The following COL5A2 variants were observed in gnomAD, a reference collection of about 807,000 sequenced individuals.
The protein encoded by COL5A2 is collagen alpha-2(V) chain.
In COL5A2, 23 loss-of-function variants were observed where a neutral mutation model predicts 208.2. The ratio of observed to expected loss-of-function variants is 0.11; its 90% CI spans 0.08 to 0.16. The LOEUF is 0.16. Among genes scored for constraint, COL5A2 ranks in the 10% least tolerant of loss-of-function variants. The probability of loss-of-function intolerance (pLI) is 1.00; values close to 1 mark genes in which losing one functional copy is unlikely to be tolerated. For missense variants in COL5A2, 1,590 were observed against 1,956.4 expected (o/e 0.81, Z 3.53); for synonymous variants, 625 against 628.5 (o/e 0.99, Z 0.08).
chr2:189,261,882 G>A, the COL5A2 span, among the ~76,000 whole-genome samples: 1 of 152,286 alleles, frequency 6.6e-6, no homozygotes, highest in Non-Finnish European at 1.5e-5. Context: ...GCTGGAAGAA[G>A]AGGTAAGCTA....
chr2:189,226,564 A>G (rs537345726), upstream of COL5A2, among the ~76,000 whole-genome samples: 4 of 152,266 alleles, frequency 2.6e-5, no homozygotes, highest in African/African-American at 7.2e-5. Context: ...AGAGAAGACT[A>G]GCCCATACAT....
At chr2:189,258,121 AT>A in the COL5A2 span, among the ~76,000 whole-genome samples, 9 of 152,208 alleles carry the variant, frequency 5.9e-5, no homozygotes, top group Admixed American at 1.3e-4. Flanking sequence ...CTCAAAAAAA[AT>A]AAAATAAAAT....
At chr2:189,291,984 A>G in the COL5A2 span, among the ~76,000 whole-genome samples, 1 of 152,172 alleles carries the variant, frequency 6.6e-6, no homozygotes, top group Non-Finnish European at 1.5e-5. Flanking sequence ...TCATTTTATT[A>G]TGTGATCATA....
At chr2:189,083,776 T>C (rs1686590700) in intron 12 of COL5A2, among the ~76,000 whole-genome samples, 1 of 152,146 alleles carries the variant, frequency 6.6e-6, no homozygotes, top group Admixed American at 6.5e-5. Flanking sequence ...TCCAGAAGGC[T>C]TATTTATGGT....
At chr2:189,062,839 C>G (rs757040747) in intron 29 of COL5A2, 26 bp downstream of exon 29, 2 of 1,612,662 alleles carry the variant, frequency 1.2e-6, no homozygotes, top group African/African-American at 2.7e-5. Context: ...TATATTCTCA[C>G]ACACACACAC....
chr2:189,128,723 T>C (rs903934690), intron 1 of COL5A2, among the ~76,000 whole-genome samples: 9 of 152,028 alleles, frequency 5.9e-5, no homozygotes, highest in Admixed American at 5.9e-4. Context: ...AGCATTCCAA[T>C]GATGTGCAAC....
chr2:189,110,242 C>T lies in COL5A2; in HGVS notation c.305G>A (p.Gly102Asp), dbSNP rs151146283. The change falls in exon 2 of 54, where the codon GGT becomes GAT. Residue 102 changes from glycine to aspartate, a missense_variant. Transcript: ENST00000374866. ...CCPVCSQTPG[G>D]GNTNFGRGRK... ...ATTCTTACCAAAATTGGTATTGCCA[C>T]CTCCAGGTGTTTGTGAACAGACAGG... The T allele has an allele frequency of 1.9e-6, 3 of 1,613,486 alleles. No individual in the cohort carries two copies. In the African/African-American group the frequency reaches 4.0e-5, roughly 22 times the overall value.
the COL5A2 span, among the ~76,000 whole-genome samples, chr2:189,432,561 A>G: frequency 6.6e-6 from 1 of 152,210 alleles, no homozygotes; most frequent in Admixed American, 6.5e-5. Context: ...CTTTAAACCA[A>G]CAAATATTAA....
chr2:189,092,008 T>G (rs1686797322), intron 7 of COL5A2, among the ~76,000 whole-genome samples: 1 of 152,216 alleles, frequency 6.6e-6, no homozygotes, highest in Non-Finnish European at 1.5e-5. Context: ...CTCATTTCAT[T>G]TAAAGAGGGG....
chr2:189,380,099 T>C, the COL5A2 span, among the ~76,000 whole-genome samples: 1 of 152,128 alleles, frequency 6.6e-6, no homozygotes, highest in East Asian at 1.9e-4. Flanking sequence ...ACCATTATTG[T>C]AGTGAATTTT....
At chr2:189,044,024 T>G (rs1685613443) in intron 47 of COL5A2, among the ~76,000 whole-genome samples, 1 of 152,188 alleles carries the variant, frequency 6.6e-6, no homozygotes. Context: ...TTGTTTTGTT[T>G]TAAGTCCTGG....
the COL5A2 span, among the ~76,000 whole-genome samples, chr2:189,266,835 G>A: frequency 6.6e-6 from 1 of 151,996 alleles, no homozygotes; most frequent in South Asian, 2.1e-4. Context: ...AGCACTTTCT[G>A]TCACTAGGTA....
chr2:189,039,529 G>A lies in COL5A2; in HGVS notation c.3668C>T (p.Pro1223Leu), dbSNP rs753383064. Residue 1223 changes from proline (P) to leucine (L), a missense_variant, in exon 51 of 54, where the codon CCG (proline) becomes CTG (leucine). Coordinates refer to ENST00000374866, the MANE Select transcript of COL5A2 (RefSeq NM_000393.5). The part of the protein sequence containing the change: ...PPGEPGPPGP[P>L]GPPGHLTAAL... ...AGCTGTAAGGTGGCCAGGGGGACCC[G>A]GAGGGCCAGGTGGGCCAGGCTCACC... The A allele has an allele frequency of 2.4e-5, 39 of 1,613,762 alleles. No homozygotes were observed. Among genetic ancestry groups the A allele is most frequent in the Middle Eastern group, 3.3e-4 (2 of 5,988 alleles).
At chr2:189,064,494 G>A (rs1235750995) in intron 25 of COL5A2, 63 bp downstream of exon 25, 18 of 1,148,344 alleles carry the variant, frequency 1.6e-5, no homozygotes, top group South Asian at 3.7e-5. Flanking sequence ...ACAAAAACCC[G>A]ACCAATGCAT....
chr2:189,316,115 T>C, the COL5A2 span, among the ~76,000 whole-genome samples: 2 of 152,116 alleles, frequency 1.3e-5, no homozygotes. Context: ...ACTTGCTATA[T>C]ACCTAAGGAA....
At position 189,078,502 on chromosome 2, in the gene COL5A2, G is replaced by T. The variant is rs1429639599; in HGVS notation, c.1059+14C>A. Reference sequence around the variant, plus strand: ...ACACATCTCAGCAGTATAAGTAAAAGCAGATATACTTACAGGAGCACCCTG... The same window carrying T: ...ACACATCTCAGCAGTATAAGTAAAATCAGATATACTTACAGGAGCACCCTG... On this transcript the variant is annotated intron_variant, in intron 16 of 53. Transcript: ENST00000374866. 1 of 1,592,296 alleles carries T rather than the reference G, an allele frequency of 6.3e-7. No homozygotes were observed.
intron 23 of COL5A2, among the ~76,000 whole-genome samples, chr2:189,065,544 A>AAAGG (rs565968333): frequency 6.6e-6 from 1 of 152,124 alleles, no homozygotes; most frequent in Non-Finnish European, 1.5e-5. Flanking sequence ...AAAAAGGAAG[A>AAAGG]AAGGAAGGAA....
intron 1 of COL5A2, among the ~76,000 whole-genome samples, chr2:189,111,688 T>G (rs1321844808): frequency 6.6e-6 from 1 of 152,198 alleles, no homozygotes; most frequent in Non-Finnish European, 1.5e-5. Flanking sequence ...GTGTATTATA[T>G]GCTAGGTAAT....
chr2:189,307,448 A>T, the COL5A2 span, among the ~76,000 whole-genome samples: 7 of 152,242 alleles, frequency 4.6e-5, no homozygotes. Flanking sequence ...GAGGAAATTC[A>T]GTATACAAAA....
Sources: gnomAD v4.1 joint callset for allele counts (sites outside exome capture counted in the v4.1 genomes callset) on GRCh38, gnomAD v4.1.1 for gene constraint, MANE v1.5 for transcripts, NCBI Gene and HGNC (gene_info 2026-07-23, HGNC 2026-07-21) for gene names.